Variants in SUGCT observed in about 807,000 individuals in gnomAD.
SUGCT encodes succinyl-CoA:glutarate-CoA transferase.
A neutral mutation model predicts 55.0 loss-of-function variants in SUGCT; 41 were observed. The observed-to-expected ratio is 0.74, with a 90% confidence interval of 0.58 to 0.97. SUGCT has a LOEUF of 0.97. Ranked by LOEUF, SUGCT falls within the 50% of genes least tolerant of loss-of-function variation. The pLI, the probability that SUGCT is intolerant of heterozygous loss-of-function variation, is 0.00. For missense variants in SUGCT, 568 were observed against 547.8 expected, an observed-to-expected ratio of 1.04 and a Z score of -0.37; for synonymous variants, 187 against 200.4, an observed-to-expected ratio of 0.93 and a Z score of 0.56.
At chr7:40,905,482 C>T in the SUGCT span, among the ~76,000 whole-genome samples, 2 of 151,978 alleles carry the variant, frequency 1.3e-5, no homozygotes, top group Admixed American at 6.6e-5. Context: ...TATTTCCTCC[C>T]AGTTCAAGTT....
At chr7:40,509,128 TTC>T (rs1404523825) in intron 12 of SUGCT, among the ~76,000 whole-genome samples, 1 of 152,212 alleles carries the variant, frequency 6.6e-6, no homozygotes, top group Admixed American at 6.5e-5. Context: ...TCTAGTATCT[TTC>T]ATAGGGCTTA....
chr7:40,477,705 CTTTAT>C (rs1790780943), intron 11 of SUGCT, among the ~76,000 whole-genome samples: 1 of 151,940 alleles, frequency 6.6e-6, no homozygotes, highest in Admixed American at 6.6e-5. Flanking sequence ...TTGAAAATTT[CTTTAT>C]TTTAATAAGT....
chr7:40,598,970 T>C (rs1798160083), intron 12 of SUGCT, among the ~76,000 whole-genome samples: 1 of 152,218 alleles, frequency 6.6e-6, no homozygotes, highest in South Asian at 2.1e-4. Context: ...TTCTTTTCTG[T>C]CCACGATTCT....
chr7:40,492,175 G>T (rs1472099658), intron 11 of SUGCT, among the ~76,000 whole-genome samples: 1 of 152,068 alleles, frequency 6.6e-6, no homozygotes, highest in Non-Finnish European at 1.5e-5. Flanking sequence ...GGTAAGAAAA[G>T]GCATTCATGA....
chr7:40,357,285 T>A (rs1797924121), intron 9 of SUGCT, among the ~76,000 whole-genome samples: 2 of 152,218 alleles, frequency 1.3e-5, no homozygotes. Context: ...AGCTATAATG[T>A]CATTACATAA....
intron 8 of SUGCT, 147 bp downstream of exon 8, chr7:40,274,803 GTTTCT>G (rs1316629683): frequency 1.2e-6 from 1 of 821,780 alleles, no homozygotes; most frequent in African/African-American, 1.7e-5. Context: ...TGATGTACTT[GTTTCT>G]TTTCTTTTTT....
intron 7 of SUGCT, among the ~76,000 whole-genome samples, chr7:40,270,079 T>G (rs1791902905): frequency 6.9e-6 from 1 of 144,498 alleles, no homozygotes; most frequent in Non-Finnish European, 1.5e-5. Flanking sequence ...GAGGTTGCAG[T>G]GAGCCGAGAT....
intron 12 of SUGCT, among the ~76,000 whole-genome samples, chr7:40,609,566 A>G: frequency 6.6e-6 from 1 of 151,626 alleles, no homozygotes; most frequent in Admixed American, 6.6e-5. Flanking sequence ...AAAAAAAAAA[A>G]GAAAAAGAAA....
chr7:40,627,327 T>C (rs1471352766), intron 12 of SUGCT, among the ~76,000 whole-genome samples: 1 of 152,212 alleles, frequency 6.6e-6, no homozygotes, highest in Admixed American at 6.5e-5. Context: ...TGGGTCCAAA[T>C]ACCTGCTAGA....
intron 12 of SUGCT, among the ~76,000 whole-genome samples, chr7:40,628,781 C>T (rs905309376): frequency 6.6e-6 from 1 of 151,862 alleles, no homozygotes; most frequent in African/African-American, 2.4e-5. Flanking sequence ...CACTCTGCCA[C>T]CCAGGCTGGA....
chr7:40,372,066 G>A (rs1316484310), intron 9 of SUGCT, among the ~76,000 whole-genome samples: 1 of 151,690 alleles, frequency 6.6e-6, no homozygotes. Context: ...AGCCAGGGTT[G>A]TCTGTGTGTT....
At chr7:40,850,976 C>A (rs1335558645) in intron 13 of SUGCT, among the ~76,000 whole-genome samples, 1 of 152,172 alleles carries the variant, frequency 6.6e-6, no homozygotes, top group East Asian at 1.9e-4. Context: ...GTACTGTTCT[C>A]AGGGATTCAT....
At chr7:40,349,162 C>T (rs1362059572) in intron 9 of SUGCT, among the ~76,000 whole-genome samples, 4 of 152,146 alleles carry the variant, frequency 2.6e-5, no homozygotes, top group Non-Finnish European at 5.9e-5. Flanking sequence ...CTTTAATACT[C>T]ATCACTATTT....
At chr7:40,149,608 C>T (rs890607749) in intron 1 of SUGCT, among the ~76,000 whole-genome samples, 3 of 152,102 alleles carry the variant, frequency 2.0e-5, no homozygotes, top group Non-Finnish European at 4.4e-5. Flanking sequence ...CATAATGAAA[C>T]CCTGTCTCTA....
At chr7:40,491,063 C>T (rs184347689) in intron 11 of SUGCT, among the ~76,000 whole-genome samples, 3 of 152,236 alleles carry the variant, frequency 2.0e-5, no homozygotes, top group African/African-American at 7.2e-5. Context: ...CTTATTCTTT[C>T]CAAATCATCA....
At chr7:40,832,596 C>A (rs1377649930) in intron 13 of SUGCT, among the ~76,000 whole-genome samples, 1 of 147,860 alleles carries the variant, frequency 6.8e-6, no homozygotes, top group South Asian at 2.2e-4. Context: ...GCACTCCTAG[C>A]CACAAAGAAT....
At position 40,353,529 on chromosome 7, in the gene SUGCT, AC is replaced by A. The variant is rs1797742463; in HGVS notation, c.816+36676del. 3.3e-5 allele frequency among the ~76,000 whole-genome samples: 5 copies of A among 152,314 alleles called. No homozygotes were observed. The South Asian group carries it at 1.0e-3, about 32-fold the overall frequency. Reference sequence around the variant, plus strand: ...TTAAATATTTATTCTCACAGTAAATACCTTTCACGTTGAAGATAATTTGTCT... The same window carrying A: ...TTAAATATTTATTCTCACAGTAAATACTTTCACGTTGAAGATAATTTGTCT... On this transcript the variant is annotated intron_variant, in intron 9 of 13. Transcript: ENST00000335693.
At chr7:40,403,064 T>C (rs1362708424) in intron 9 of SUGCT, among the ~76,000 whole-genome samples, 1 of 152,242 alleles carries the variant, frequency 6.6e-6, no homozygotes, top group African/African-American at 2.4e-5. Context: ...CGTTTTAAAC[T>C]GTACCCTTAT....
intron 9 of SUGCT, among the ~76,000 whole-genome samples, chr7:40,415,084 C>CTATA: frequency 7.0e-6 from 1 of 142,190 alleles, no homozygotes; most frequent in Non-Finnish European, 1.5e-5. Context: ...ATCTATCTAT[C>CTATA]TATCTATCTA....
Sources: allele counts gnomAD v4.1 joint callset (sites outside exome capture counted in the v4.1 genomes callset), GRCh38; gene constraint gnomAD v4.1.1; transcripts MANE v1.5; gene names NCBI Gene and HGNC (gene_info 2026-07-23, HGNC 2026-07-21).